Variants in MARCHF4 observed in about 807,000 individuals in gnomAD.
The protein encoded by MARCHF4 is E3 ubiquitin-protein ligase MARCHF4.
MARCHF4 carries 14 observed loss-of-function variants against 43.9 expected under a neutral mutation model. The ratio of observed to expected loss-of-function variants is 0.32; its 90% CI spans 0.21 to 0.50. The LOEUF (loss-of-function observed/expected upper bound fraction) is 0.50, where lower values mean the gene tolerates loss of function less well. MARCHF4 is among the 20% of genes least tolerant of loss of function. The pLI, the probability that MARCHF4 is intolerant of heterozygous loss-of-function variation, is 0.98. For missense variants in MARCHF4, 468 were observed against 536.7 expected (o/e 0.87, Z 1.27); for synonymous variants, 226 against 213.3 (o/e 1.06, Z -0.52).
chr2:216,346,942 C>A (rs139254472), intron 1 of MARCHF4, among the ~76,000 whole-genome samples: 22 of 152,152 alleles, frequency 1.4e-4, no homozygotes, highest in African/African-American at 5.1e-4. Flanking sequence ...GTGCTGCTCT[C>A]GTGGTAGTGA....
At chr2:216,273,254 C>T (rs920028178) in intron 3 of MARCHF4, among the ~76,000 whole-genome samples, 3 of 152,228 alleles carry the variant, frequency 2.0e-5, no homozygotes, top group African/African-American at 7.2e-5. Flanking sequence ...TTTATGTTTA[C>T]TCATATTCTT....
intron 3 of MARCHF4, among the ~76,000 whole-genome samples, chr2:216,277,210 C>T (rs1435944075): frequency 6.6e-6 from 1 of 152,092 alleles, no homozygotes; most frequent in African/African-American, 2.4e-5. Context: ...AGCATTGAAA[C>T]AGGCTTAGAG....
intron 1 of MARCHF4, among the ~76,000 whole-genome samples, chr2:216,307,460 G>T (rs965363516): frequency 2.0e-5 from 3 of 152,114 alleles, no homozygotes; most frequent in Non-Finnish European, 2.9e-5. Context: ...GAGGAAGGAA[G>T]TAGGAAGAAA....
chr2:216,366,253 C>T (rs533506943), intron 1 of MARCHF4, among the ~76,000 whole-genome samples: 36 of 152,302 alleles, frequency 2.4e-4, no homozygotes, highest in African/African-American at 8.7e-4. Context: ...TTGTTCAGGC[C>T]TCCAACTGGG....
intron 1 of MARCHF4, among the ~76,000 whole-genome samples, chr2:216,329,913 C>A (rs12622550): frequency 0.26 from 39,646 of 151,296 alleles, 6,333 homozygotes; most frequent in East Asian, 0.54. Context: ...TTGTGACACC[C>A]CTGTTTCTAC....
chr2:216,322,379 G>T (rs867256332), intron 1 of MARCHF4, among the ~76,000 whole-genome samples: 4 of 152,226 alleles, frequency 2.6e-5, no homozygotes, highest in South Asian at 4.1e-4. Context: ...CCCAATTCTG[G>T]TTTATAGCAA....
rs924750848 is a variant in MARCHF4, at chr2:216,372,405, C to T, written c.-2145G>A. On this transcript the variant is annotated 5_prime_UTR_variant, in exon 1 of 4. Coordinates refer to ENST00000273067, the MANE Select transcript of MARCHF4 (RefSeq NM_020814.3). ...GCTCGTGGGGGCCTGACGCAGACGC[C>T]GCGGAGGGATGGAGGAGGGAAAGGG... Among the ~76,000 whole-genome samples, 1 of 151,714 alleles carries T rather than the reference C, an allele frequency of 6.6e-6. No individual in the cohort carries two copies. Among genetic ancestry groups the T allele is most frequent in the South Asian group, 2.1e-4 (1 of 4,800 alleles).
chr2:216,322,546 G>T lies in MARCHF4; in HGVS notation c.517-38817C>A, dbSNP rs184101931. 6.2e-4 allele frequency among the ~76,000 whole-genome samples: 95 copies of T among 152,362 alleles called. 1 individual carries two copies. The highest frequency in any genetic ancestry group is 2.3e-3 in the African/African-American group (95 of 41,582). On this transcript the variant is annotated intron_variant, in intron 1 of 3. Transcript: ENST00000273067. The stretch of plus-strand genomic sequence containing the variant: ...CGGATTAAGAACTGGTCTCGGCCAG[G>T]CACGGTGGCTCACGCCTGTAATCTC...
chr2:216,354,237 G>A (rs1051587580), intron 1 of MARCHF4, among the ~76,000 whole-genome samples: 1 of 152,236 alleles, frequency 6.6e-6, no homozygotes, highest in African/African-American at 2.4e-5. Context: ...TGCGGTGAGA[G>A]AGAGACAGGA....
intron 1 of MARCHF4, among the ~76,000 whole-genome samples, chr2:216,297,385 A>C (rs1691413475): frequency 6.6e-6 from 1 of 152,196 alleles, no homozygotes; most frequent in Admixed American, 6.5e-5. Flanking sequence ...TGTGAAAACC[A>C]ACATGAGACA....
At chr2:216,327,745 T>C (rs1248761625) in intron 1 of MARCHF4, among the ~76,000 whole-genome samples, 1 of 152,042 alleles carries the variant, frequency 6.6e-6, no homozygotes, top group Non-Finnish European at 1.5e-5. Flanking sequence ...AATGAGTGCA[T>C]GTTTGTCCTT....
chr2:216,259,759 T>C, intron 3 of MARCHF4, 80 bp from the exon 4 acceptor site: 1 of 1,418,444 alleles, frequency 7.0e-7, no homozygotes, highest in Non-Finnish European at 9.7e-7. Flanking sequence ...TCTCTCTGAA[T>C]CTATGCAAGG....
At chr2:216,352,478 C>G (rs534076042) in intron 1 of MARCHF4, among the ~76,000 whole-genome samples, 2 of 152,118 alleles carry the variant, frequency 1.3e-5, no homozygotes, top group Non-Finnish European at 2.9e-5. Flanking sequence ...TCCCTTCCTC[C>G]CAGGGGTGAC....
intron 1 of MARCHF4, among the ~76,000 whole-genome samples, chr2:216,364,333 G>T (rs1191161292): frequency 6.6e-6 from 1 of 152,044 alleles, no homozygotes; most frequent in Non-Finnish European, 1.5e-5. Context: ...TGGGTTGAGA[G>T]CCAATGATCT....
Position 216,370,698 on chromosome 2 carries a change from T to C in MARCHF4, c.-438A>G, listed in dbSNP as rs1042529752. On this transcript the variant is annotated 5_prime_UTR_variant, in exon 1 of 4. Transcript: ENST00000273067. ...GGGTTCTTCTCAAATTCCTACGCAG[T>C]GAGAAATCTTTCTTTTATATAAAAG... 6.4e-6 allele frequency: 1 copy of C among 156,942 alleles called. No homozygotes were observed. The highest frequency in any genetic ancestry group is 2.4e-5 in the African/African-American group (1 of 41,626). 9.7% of individuals were successfully genotyped at this position (156,942 alleles called of 1,614,324 possible).
intron 3 of MARCHF4, among the ~76,000 whole-genome samples, chr2:216,262,092 T>C (rs1251310842): frequency 6.6e-6 from 1 of 152,166 alleles, no homozygotes; most frequent in Non-Finnish European, 1.5e-5. Flanking sequence ...ATATTTTTTT[T>C]CCCATGAAGT....
At chr2:216,368,482 T>C (rs2105988389) in intron 1 of MARCHF4, among the ~76,000 whole-genome samples, 1 of 152,362 alleles carries the variant, frequency 6.6e-6, no homozygotes, top group South Asian at 2.1e-4. Flanking sequence ...CTTCCCCTCA[T>C]AATTCCAAGC....
At position 216,370,402 on chromosome 2, in the gene MARCHF4, G is replaced by C; in HGVS notation, c.-142C>G. 1 of 609,434 alleles carries C rather than the reference G, an allele frequency of 1.6e-6. No homozygotes were observed. The highest frequency in any genetic ancestry group is 2.8e-6 in the Non-Finnish European group (1 of 362,948). 37.8% of individuals were successfully genotyped at this position (609,434 alleles called of 1,614,324 possible). A position where few individuals can be genotyped will look rare whatever the true frequency, so the allele number is the denominator to read the frequency against. ...CTGGCTTTTCTTACAACCCCTCCAAGTAGCAAATAAATTGCTCCCAGGACT... is the reference window on the plus strand; with the variant it reads ...CTGGCTTTTCTTACAACCCCTCCAACTAGCAAATAAATTGCTCCCAGGACT... On this transcript the variant is annotated 5_prime_UTR_variant, in exon 1 of 4. Transcript: ENST00000273067.
chr2:216,259,654 C>A lies in MARCHF4; in HGVS notation c.891G>T (p.Ser297=). Residue 297 remains serine, a synonymous_variant, in exon 4 of 4, where the codon TCG becomes TCT. Coordinates refer to ENST00000273067, the MANE Select transcript of MARCHF4 (RefSeq NM_020814.3). The part of the protein sequence containing the change: ...CIGLIIHEGP[S]VYRIFKRWQA... The stretch of plus-strand genomic sequence containing the variant: ...GCCACCGTTTAAAGATGCGGTACAC[C>A]GAGGGTCCTTCATGGATGATGAGAC... 1 of 1,613,994 alleles carries A rather than the reference C, an allele frequency of 6.2e-7. No individual in the cohort carries two copies. Among genetic ancestry groups the A allele is most frequent in the Non-Finnish European group, 8.5e-7 (1 of 1,179,928 alleles).
Sources: gnomAD v4.1 joint callset for allele counts (sites outside exome capture counted in the v4.1 genomes callset) on GRCh38, gnomAD v4.1.1 for gene constraint, MANE v1.5 for transcripts, NCBI Gene and HGNC (gene_info 2026-07-23, HGNC 2026-07-21) for gene names.